Variants in FIS1 observed in about 807,000 individuals in gnomAD.
FIS1 encodes mitochondrial fission 1 protein.
In FIS1, 16 loss-of-function variants were observed where a neutral mutation model predicts 21.6. That is an observed-to-expected ratio of 0.74 (90% CI 0.50 to 1.12). The LOEUF (loss-of-function observed/expected upper bound fraction) is 1.12, where lower values mean the gene tolerates loss of function less well. FIS1 is among the 50% of genes most tolerant of loss of function. The pLI, the probability that FIS1 is intolerant of heterozygous loss-of-function variation, is 0.00. For synonymous variants in FIS1, 92 were observed against 82.2 expected (o/e 1.12, Z -0.65); for missense variants, 198 against 190.9 (o/e 1.04, Z -0.22).
intron 2 of FIS1, among the ~76,000 whole-genome samples, chr7:101,241,971 G>A (rs551601583): frequency 6.6e-6 from 1 of 151,228 alleles, no homozygotes; most frequent in African/African-American, 2.4e-5. Flanking sequence ...ACAGGGTCTC[G>A]CTCTGTCACT....
At chr7:101,241,023 G>C in intron 2 of FIS1, 117 bp from the exon 3 acceptor site, 1 of 970,742 alleles carries the variant, frequency 1.0e-6, no homozygotes, top group Non-Finnish European at 1.6e-6. Context: ...GAGGGTCACA[G>C]TCCTAAGCCT....
Position 101,240,856 on chromosome 7 carries a change from G to T in FIS1, c.229C>A (p.Leu77Met). 1 of 1,614,086 alleles carries T rather than the reference G, an allele frequency of 6.2e-7. No homozygotes were observed. The highest frequency in any genetic ancestry group is 8.5e-7 in the Non-Finnish European group (1 of 1,180,040). ...KEEQRDYVFY[L>M]AVGNYRLKEY... ...TTGAGCCGGTAGTTCCCCACGGCCA[G>T]GTAGAAGACGTAATCCCGCTGTTCC... Residue 77 changes from leucine to methionine, a missense_variant, in exon 3 of 5, where the codon CTG becomes ATG. By Grantham distance (15) the Leu-to-Met change is conservative. Coordinates refer to ENST00000223136, the MANE Select transcript of FIS1 (RefSeq NM_016068.3).
At chr7:101,243,950 G>A (rs1798780308) in intron 2 of FIS1, 57 bp downstream of exon 2, 4 of 1,559,644 alleles carry the variant, frequency 2.6e-6, no homozygotes, top group Non-Finnish European at 3.5e-6. Flanking sequence ...GGACTACGGG[G>A]CCCACATCGC....
At chr7:101,244,851 G>A (rs1798794946) in intron 1 of FIS1, 109 bp downstream of exon 1, 2 of 1,399,552 alleles carry the variant, frequency 1.4e-6, no homozygotes, top group African/African-American at 1.4e-5. Context: ...GCCGTAGTTC[G>A]GCTTCCCTCG....
At position 101,240,165 on chromosome 7, in the gene FIS1, A is replaced by C. The variant is rs1006721253; in HGVS notation, c.338T>G (p.Leu113Arg). The change falls in exon 4 of 5, where the codon CTC becomes CGC. Residue 113 changes from leucine (L) to arginine (R), a missense_variant. Coordinates refer to ENST00000223136, the MANE Select transcript of FIS1 (RefSeq NM_016068.3). The stretch of plus-strand genomic sequence containing the variant: ...ACCTTTCTTCATGGCCTTGTCAATG[A>C]GCCGCTCCAGTTCCTTGGCCTGGTT... ...QNNQAKELER[L>R]IDKAMKKDGL... is the part of the protein sequence containing the mutation. 1.1e-5 allele frequency: 18 copies of C among 1,614,130 alleles called. No homozygotes were observed. The highest frequency in any genetic ancestry group is 1.5e-5 in the Non-Finnish European group (18 of 1,180,018).
At chr7:101,244,797 C>G (rs1477555983) in intron 1 of FIS1, 163 bp downstream of exon 1, 4 of 778,256 alleles carry the variant, frequency 5.1e-6, no homozygotes, top group Non-Finnish European at 8.4e-6. Context: ...TGCGGCATAG[C>G]AGGCCCTCCG....
At chr7:101,243,886 G>T in intron 2 of FIS1, 121 bp downstream of exon 2, 1 of 1,305,152 alleles carries the variant, frequency 7.7e-7, no homozygotes, top group Non-Finnish European at 1.0e-6. Flanking sequence ...GAGACGTCAA[G>T]CTAAGTATAG....
chr7:101,242,487 G>GTT (rs67075921), intron 2 of FIS1, among the ~76,000 whole-genome samples: 42 of 131,924 alleles, frequency 3.2e-4, no homozygotes, highest in Admixed American at 4.6e-4. Flanking sequence ...TATTTTTATA[G>GTT]TTTTTTTTTT....
At position 101,245,014 on chromosome 7, in the gene FIS1, C is replaced by T; in HGVS notation, c.-10G>A. 6.2e-7 allele frequency: 1 copy of T among 1,613,912 alleles called. No homozygotes were observed. Among genetic ancestry groups the T allele is most frequent in the Non-Finnish European group, 8.5e-7 (1 of 1,179,916 alleles). On this transcript the variant is annotated 5_prime_UTR_variant, in exon 1 of 5. Transcript: ENST00000223136. ...TCAGCACGGCCTCCATGGCCACTGC[C>T]CCCGCGAGCCTCACACTACAGTCTA... is the stretch of plus-strand genomic sequence containing the variant.
Position 101,239,649 on chromosome 7 carries a change from C to A in FIS1, c.*157G>T. ...AGCCCCGTTTTATTTACACTCATCC[C>A]AAAGCACATGATGGGGCTGAAGGAC... On this transcript the variant is annotated 3_prime_UTR_variant, in exon 5 of 5. Transcript: ENST00000223136. 1 of 719,766 alleles carries A rather than the reference C, an allele frequency of 1.4e-6. No homozygotes were observed. Among genetic ancestry groups the A allele is most frequent in the Non-Finnish European group, 2.5e-6 (1 of 401,192 alleles). The allele number at this position is 719,766 out of a possible 1,614,324, so 44.6% of individuals were successfully genotyped here.
Position 101,239,563 on chromosome 7 carries a change from T to C in FIS1, c.*243A>G. ...GACCAGGAGTGACGTCTCCGCCCCCTGTGCCCAGCGTTCAGAACCCACCCC... is the reference window on the plus strand; with the variant it reads ...GACCAGGAGTGACGTCTCCGCCCCCCGTGCCCAGCGTTCAGAACCCACCCC... On this transcript the variant is annotated 3_prime_UTR_variant, in exon 5 of 5. Transcript: ENST00000223136. 1.7e-6 allele frequency: 1 copy of C among 580,248 alleles called. No individual in the cohort carries two copies. The highest frequency in any genetic ancestry group is 3.2e-6 in the Non-Finnish European group (1 of 315,652). The allele number at this position is 580,248 out of a possible 1,614,324, so 35.9% of individuals were successfully genotyped here. A position where few individuals can be genotyped will look rare whatever the true frequency, so the allele number is the denominator to read the frequency against.
chr7:101,243,741 C>T (rs553259045), intron 2 of FIS1, among the ~76,000 whole-genome samples: 2 of 152,278 alleles, frequency 1.3e-5, no homozygotes, highest in South Asian at 2.1e-4. Flanking sequence ...GCTTCTAGTC[C>T]CAATTCAGCC....
chr7:101,244,751 TG>T (rs559395987), intron 1 of FIS1: 3 of 598,990 alleles, frequency 5.0e-6, no homozygotes, highest in Middle Eastern at 4.5e-4. Context: ...GTCTGAGGTG[TG>T]GGGGGCTCAG....
At chr7:101,244,770 C>G (rs1267428611) in intron 1 of FIS1, 190 bp downstream of exon 1, 1 of 663,112 alleles carries the variant, frequency 1.5e-6, no homozygotes, top group African/African-American at 1.8e-5. Context: ...CAGGACACTA[C>G]AACTCCCAGG....
At chr7:101,244,236 C>A in intron 1 of FIS1, 97 bp from the exon 2 acceptor site, 4 of 1,439,756 alleles carry the variant, frequency 2.8e-6, no homozygotes, top group Non-Finnish European at 3.7e-6. Flanking sequence ...CTTTCCCTCG[C>A]AGGTCTCGGT....
In FIS1 at chr7:101,244,117, G is replaced by T. The variant is rs763703787; in HGVS notation, c.68C>A (p.Ser23Tyr). The change falls in exon 2 of 5, where the codon TCT becomes TAT. Residue 23 changes from serine (S) to tyrosine (Y), a missense_variant. By Grantham distance (144) the Ser-to-Tyr change is moderately radical. Transcript: ENST00000223136. ...GGACACCGAGCCTGCTGCCTTCTCAGACTGAAATTTCTTTTCAAACTTCTG... is the reference window on the plus strand; with the variant it reads ...GGACACCGAGCCTGCTGCCTTCTCATACTGAAATTTCTTTTCAAACTTCTG... ...DLLKFEKKFQ[S>Y]EKAAGSVSKS... 2.5e-6 allele frequency: 4 copies of T among 1,613,664 alleles called. No individual in the cohort carries two copies. The highest frequency in any genetic ancestry group is 3.4e-6 in the Non-Finnish European group (4 of 1,179,682).
chr7:101,240,772 C>T, intron 3 of FIS1, 58 bp downstream of exon 3: 2 of 1,541,024 alleles, frequency 1.3e-6, no homozygotes, highest in Non-Finnish European at 1.8e-6. Flanking sequence ...CTGGAGGACA[C>T]AGTAAGAAGG....
At chr7:101,241,851 CG>C (rs1358857252) in intron 2 of FIS1, 3 of 151,162 alleles carry the variant, frequency 2.0e-5, no homozygotes, top group Admixed American at 6.6e-5. Context: ...CCCAGCTGTT[CG>C]GGAGGCTGGG....
chr7:101,239,731 G>A lies in FIS1; in HGVS notation c.*75C>T. The stretch of plus-strand genomic sequence containing the variant: ...CCACAGAGGATAGAGACGGGGGGCA[G>A]GGGGAGAACAGGGAAAGGACAGCGA... On this transcript the variant is annotated 3_prime_UTR_variant, in exon 5 of 5. Transcript: ENST00000223136. 1 of 1,255,504 alleles carries A rather than the reference G, an allele frequency of 8.0e-7. No homozygotes were observed. The highest frequency in any genetic ancestry group is 1.1e-6 in the Non-Finnish European group (1 of 876,350). The allele number at this position is 1,255,504 out of a possible 1,614,324, so 77.8% of individuals were successfully genotyped here.
Sources: allele counts gnomAD v4.1 joint callset (sites outside exome capture counted in the v4.1 genomes callset), GRCh38; gene constraint gnomAD v4.1.1; transcripts MANE v1.5; gene names NCBI Gene and HGNC (gene_info 2026-07-23, HGNC 2026-07-21).